NSFL1C: variants seen among roughly 807,000 people sequenced by gnomAD.
NSFL1C encodes NSFL1 cofactor p47.
A neutral mutation model predicts 43.1 loss-of-function variants in NSFL1C; 14 were observed. The observed-to-expected ratio is 0.32, with a 90% CI of 0.21 to 0.51. The LOEUF (loss-of-function observed/expected upper bound fraction) is 0.51. NSFL1C is among the 20% of genes least tolerant of loss of function. The pLI, the probability that NSFL1C is intolerant of heterozygous loss-of-function variation, is 0.98. For missense variants in NSFL1C, 406 were observed against 472.5 expected (o/e 0.86, Z 1.30); for synonymous variants, 171 against 183.5 (o/e 0.93, Z 0.55).
Position 1,455,125 on chromosome 20 carries a change from C to A in NSFL1C, c.286G>T (p.Ala96Ser). The A allele has an allele frequency of 6.2e-7, 1 of 1,614,218 alleles. No individual in the cohort carries two copies. Among genetic ancestry groups the A allele is most frequent in the Non-Finnish European group, 8.5e-7 (1 of 1,180,030 alleles). The change falls in exon 4 of 9, where the codon GCT becomes TCT. Residue 96 changes from alanine (A) to serine (S), a missense_variant. Around this residue, in one of 3 missense-constraint regions of NSFL1C, gnomAD observed 203 missense variants for 216.3 expected, o/e 0.94. Transcript: ENST00000216879. ...EEEEEGQRFYAGGSERSGQQI... is the reference protein window; with the variant it reads ...EEEEEGQRFYSGGSERSGQQI... ...TGTCCACTTCTCTCTGAGCCCCCAGCATAAAACCTGTGTACAAAATACACC... is the reference window on the plus strand; with the variant it reads ...TGTCCACTTCTCTCTGAGCCCCCAGAATAAAACCTGTGTACAAAATACACC...
chr20:1,447,304 T>C (rs2090080017), intron 7 of NSFL1C, among the ~76,000 whole-genome samples: 1 of 152,196 alleles, frequency 6.6e-6, no homozygotes, highest in Non-Finnish European at 1.5e-5. Flanking sequence ...CATATACCTG[T>C]AAATGCCTAA....
At chr20:1,451,858 A>C (rs559157365) in intron 7 of NSFL1C, among the ~76,000 whole-genome samples, 2 of 152,354 alleles carry the variant, frequency 1.3e-5, no homozygotes, top group Admixed American at 1.3e-4. Context: ...AGAGGACACA[A>C]TGCAGAAAAA....
chr20:1,444,906 G>T (rs909496553), intron 8 of NSFL1C, among the ~76,000 whole-genome samples: 1 of 152,198 alleles, frequency 6.6e-6, no homozygotes, highest in South Asian at 2.1e-4. Flanking sequence ...CACAGCTGGG[G>T]CTTGTCTCCC....
In NSFL1C at chr20:1,455,242, A is replaced by G. The variant is rs2090273449; in HGVS notation, c.279-110T>C. 11 of 1,272,004 alleles carry G rather than the reference A, an allele frequency of 8.6e-6. No individual in the cohort carries two copies. The Admixed American group carries it at 1.7e-4, about 19-fold the overall frequency. The allele number at this position is 1,272,004 out of a possible 1,614,324, so 78.8% of individuals were successfully genotyped here. ...GGCAAAGGGTACAATGCTTGTCTTTAAAGAATTTACTGGCTAGTTGGGAAC... is the reference window on the plus strand; with the variant it reads ...GGCAAAGGGTACAATGCTTGTCTTTGAAGAATTTACTGGCTAGTTGGGAAC... On this transcript the variant is annotated intron_variant, in intron 3 of 8. Coordinates refer to ENST00000216879, the MANE Select transcript of NSFL1C (RefSeq NM_016143.5).
intron 1 of NSFL1C, among the ~76,000 whole-genome samples, chr20:1,465,635 G>A (rs921078041): frequency 2.0e-5 from 3 of 152,190 alleles, no homozygotes; most frequent in Admixed American, 2.0e-4. Flanking sequence ...GCTACTTACT[G>A]GCTATGTGAC....
chr20:1,450,730 T>C (rs2090165418), intron 7 of NSFL1C, among the ~76,000 whole-genome samples: 1 of 152,218 alleles, frequency 6.6e-6, no homozygotes, highest in South Asian at 2.1e-4. Flanking sequence ...ACAATAATCA[T>C]ATGTCTAGCC....
chr20:1,444,415 T>C (rs1223485484), intron 8 of NSFL1C, among the ~76,000 whole-genome samples: 1 of 152,218 alleles, frequency 6.6e-6, no homozygotes, highest in African/African-American at 2.4e-5. Context: ...ACAAGGACAG[T>C]GTGTGTCTCT....
At chr20:1,462,344 A>G (rs1275673147) in intron 2 of NSFL1C, among the ~76,000 whole-genome samples, 4 of 152,182 alleles carry the variant, frequency 2.6e-5, no homozygotes, top group Non-Finnish European at 2.9e-5. Flanking sequence ...CAAACCATGC[A>G]ACACACTGCG....
At chr20:1,465,025 G>A (rs868756112) in intron 1 of NSFL1C, among the ~76,000 whole-genome samples, 1 of 152,100 alleles carries the variant, frequency 6.6e-6, no homozygotes, top group African/African-American at 2.4e-5. Context: ...TCTGTGAAAT[G>A]GGGGTACCTG....
intron 1 of NSFL1C, 24 bp downstream of exon 1, chr20:1,466,696 A>G (rs2122980811): frequency 2.0e-6 from 3 of 1,533,110 alleles, no homozygotes; most frequent in South Asian, 2.4e-5. Flanking sequence ...GGCCCACCCG[A>G]CACAGCCCGC....
chr20:1,448,610 A>G (rs1359568108), intron 7 of NSFL1C, among the ~76,000 whole-genome samples: 1 of 152,196 alleles, frequency 6.6e-6, no homozygotes, highest in Non-Finnish European at 1.5e-5. Context: ...TAGGTGAGGC[A>G]GGGTGGCCTG....
intron 2 of NSFL1C, among the ~76,000 whole-genome samples, chr20:1,462,206 C>T (rs1048486355): frequency 1.3e-5 from 2 of 152,166 alleles, no homozygotes; most frequent in African/African-American, 2.4e-5. Flanking sequence ...CAGCAGCTGG[C>T]TAAGTGTCCT....
intron 3 of NSFL1C, 167 bp downstream of exon 3, chr20:1,458,033 T>C: frequency 1.7e-6 from 1 of 582,684 alleles, no homozygotes; most frequent in Non-Finnish European, 3.1e-6. Flanking sequence ...ACTTCTAAGC[T>C]ACAAGGAGTA....
chr20:1,445,613 G>A lies in NSFL1C; in HGVS notation c.950+53C>T, dbSNP rs138206220. ...GGCTCTCTGCTTCCCACACATTTGC[G>A]TGAGGCCCAGAGGACACTCCTAGAA... On this transcript the variant is annotated intron_variant, in intron 8 of 8. Coordinates refer to ENST00000216879, the MANE Select transcript of NSFL1C (RefSeq NM_016143.5). The A allele has an allele frequency of 2.8e-5, 45 of 1,582,864 alleles. No individual in the cohort carries two copies. The African/African-American group carries it at 3.1e-4, about 11-fold the overall frequency.
intron 3 of NSFL1C, chr20:1,455,904 C>T (rs1215327195): frequency 3.1e-6 from 2 of 645,932 alleles, no homozygotes; most frequent in East Asian, 5.5e-5. Context: ...AGAGAAGCTC[C>T]AATCTCAAAT....
chr20:1,447,656 G>C (rs1032152024), intron 7 of NSFL1C, among the ~76,000 whole-genome samples: 1 of 152,108 alleles, frequency 6.6e-6, no homozygotes, highest in Non-Finnish European at 1.5e-5. Context: ...ATAATTCAAA[G>C]TATACGTACT....
rs541839263 is a variant in NSFL1C at position 1,445,894 on chromosome 20, C to T, written c.786-64G>A. The T allele has an allele frequency of 6.5e-6, 10 of 1,531,064 alleles. No homozygotes were observed. The African/African-American group carries it at 1.4e-4, about 21-fold the overall frequency. 94.8% of individuals were successfully genotyped at this position (1,531,064 alleles called of 1,614,324 possible). ...AAGGCCCCTAGCAAGAAGGGAATCC[C>T]TTCTTGGACTGTTACTGAGCATTTG... On this transcript the variant is annotated intron_variant, in intron 7 of 8. Coordinates refer to ENST00000216879, the MANE Select transcript of NSFL1C (RefSeq NM_016143.5).
chr20:1,452,862 G>A (rs2090213285), intron 6 of NSFL1C, among the ~76,000 whole-genome samples, 169 bp downstream of exon 6: 1 of 152,198 alleles, frequency 6.6e-6, no homozygotes, highest in Non-Finnish European at 1.5e-5. Flanking sequence ...GCCCAAAGGG[G>A]AAAAATGGAC....
rs148540468 is a variant in NSFL1C, at chr20:1,462,459, G to A, written c.203+1870C>T. Among the ~76,000 whole-genome samples, 277 of 151,900 alleles carry A rather than the reference G, an allele frequency of 1.8e-3. 7 individuals carry two copies. In the East Asian group the frequency reaches 0.048, roughly 26 times the overall value. On this transcript the variant is annotated intron_variant, in intron 2 of 8. Coordinates refer to ENST00000216879, the MANE Select transcript of NSFL1C (RefSeq NM_016143.5). The stretch of plus-strand genomic sequence containing the variant: ...GCAATGCCTCTTGGACCAAATGTGC[G>A]TCCAGTCTTTTTACTCACTTCAGTT...
Sources: allele counts gnomAD v4.1 joint callset (sites outside exome capture counted in the v4.1 genomes callset), GRCh38; gene constraint gnomAD v4.1.1; regional missense constraint gnomAD v4.1.1; transcripts MANE v1.5; gene names NCBI Gene and HGNC (gene_info 2026-07-23, HGNC 2026-07-21).